The following CMKLR2 variants were observed in gnomAD, a reference collection of about 807,000 sequenced individuals.
The protein encoded by CMKLR2 is chemerin-like receptor 2.
A neutral mutation model predicts 23.0 loss-of-function variants in CMKLR2; 18 were observed. That is an observed-to-expected ratio of 0.78 (90% CI 0.54 to 1.16). CMKLR2 has a LOEUF of 1.16. Among genes scored for constraint, CMKLR2 ranks in the 50% most tolerant of loss-of-function variants. The pLI is 0.00. For synonymous variants in CMKLR2, 158 were observed against 158.9 expected, an observed-to-expected ratio of 0.99 and a Z score of 0.05; for missense variants, 401 against 412.7, an observed-to-expected ratio of 0.97 and a Z score of 0.25.
intron 1 of CMKLR2, among the ~76,000 whole-genome samples, chr2:206,211,222 T>C (rs1358975853): frequency 1.3e-5 from 2 of 152,188 alleles, no homozygotes; most frequent in African/African-American, 4.8e-5. Context: ...ATAGTTTATG[T>C]GTTTATAGCG....
At chr2:206,210,095 C>G (rs1689497145) in intron 1 of CMKLR2, among the ~76,000 whole-genome samples, 1 of 151,902 alleles carries the variant, frequency 6.6e-6, no homozygotes, top group Non-Finnish European at 1.5e-5. Context: ...TCCCAAGTAG[C>G]TGGGACTACA....
chr2:206,199,259 G>T (rs1170412771), intron 1 of CMKLR2, among the ~76,000 whole-genome samples: 1 of 152,158 alleles, frequency 6.6e-6, no homozygotes. Flanking sequence ...TTAGCTGGGC[G>T]TGGTGGCACA....
intron 1 of CMKLR2, among the ~76,000 whole-genome samples, chr2:206,190,632 A>G (rs1362466): frequency 0.058 from 8,764 of 152,346 alleles, 337 homozygotes; most frequent in East Asian, 0.16. Context: ...TTGAGTTGGC[A>G]TTGAAAACCT....
At chr2:206,212,262 C>G (rs966976643) in intron 1 of CMKLR2, among the ~76,000 whole-genome samples, 1 of 151,992 alleles carries the variant, frequency 6.6e-6, no homozygotes, top group African/African-American at 2.4e-5. Context: ...TGACTTAAAT[C>G]AGATAAAATC....
At chr2:206,178,371 T>C (rs1688298032) in intron 1 of CMKLR2, among the ~76,000 whole-genome samples, 1 of 152,236 alleles carries the variant, frequency 6.6e-6, no homozygotes, top group African/African-American at 2.4e-5. Context: ...TGGATGTCAC[T>C]GGAGATTTTG....
chr2:206,193,939 A>T (rs1483228420), intron 1 of CMKLR2, among the ~76,000 whole-genome samples: 1 of 152,184 alleles, frequency 6.6e-6, no homozygotes, highest in Non-Finnish European at 1.5e-5. Context: ...AGTGACATTG[A>T]TAGAAGTCCA....
At chr2:206,187,778 G>A (rs1182260230) in intron 1 of CMKLR2, among the ~76,000 whole-genome samples, 4 of 152,156 alleles carry the variant, frequency 2.6e-5, no homozygotes, top group Non-Finnish European at 5.9e-5. Context: ...TAGTTTTTGA[G>A]AGATGATGGG....
chr2:206,183,824 T>G (rs1317402138), intron 1 of CMKLR2, among the ~76,000 whole-genome samples: 2 of 152,204 alleles, frequency 1.3e-5, no homozygotes, highest in Non-Finnish European at 2.9e-5. Context: ...GTTTACCTAT[T>G]ATAACTTGTT....
chr2:206,207,968 G>C (rs1285809674), intron 1 of CMKLR2, among the ~76,000 whole-genome samples: 1 of 151,806 alleles, frequency 6.6e-6, no homozygotes, highest in Non-Finnish European at 1.5e-5. Flanking sequence ...TCGAACTCCT[G>C]ACCTCAGGTG....
At chr2:206,187,481 C>A (rs1688618001) in intron 1 of CMKLR2, among the ~76,000 whole-genome samples, 1 of 152,088 alleles carries the variant, frequency 6.6e-6, no homozygotes, top group Non-Finnish European at 1.5e-5. Context: ...AATATCGGTG[C>A]TCTCAAAGGA....
At position 206,181,715 on chromosome 2, in the gene CMKLR2, G is replaced by A. The variant is rs138653944; in HGVS notation, c.-28-4440C>T. Among the ~76,000 whole-genome samples, 1,510 of 152,284 alleles carry A rather than the reference G, an allele frequency of 9.9e-3. 29 individuals carry two copies. The highest frequency in any genetic ancestry group is 0.035 in the African/African-American group (1,434 of 41,558). The stretch of plus-strand genomic sequence containing the variant: ...CGCCTATAATCCCAGCACTTCGGGA[G>A]GCCGAGGTGGGTGAATCATCTAAGG... On this transcript the variant is annotated intron_variant, in intron 1 of 1. Coordinates refer to ENST00000621141, the MANE Select transcript of CMKLR2 (RefSeq NM_001389445.1).
At chr2:206,204,353 C>CAAAA (rs373840930) in intron 1 of CMKLR2, among the ~76,000 whole-genome samples, 1 of 44,190 alleles carries the variant, frequency 2.3e-5, no homozygotes, top group African/African-American at 8.7e-5. Context: ...GACTCCATCT[C>CAAAA]AAAAAAAAAA....
chr2:206,190,871 A>G (rs1428423306), intron 1 of CMKLR2, among the ~76,000 whole-genome samples: 1 of 152,224 alleles, frequency 6.6e-6, no homozygotes, highest in African/African-American at 2.4e-5. Flanking sequence ...GTTTGAAAAG[A>G]GAACACAGCA....
chr2:206,216,832 G>A (rs181882179), upstream of CMKLR2, among the ~76,000 whole-genome samples: 117 of 152,264 alleles, frequency 7.7e-4, no homozygotes, highest in Admixed American at 2.1e-3. Flanking sequence ...AGGTTTGGGC[G>A]ATTTTAAGTG....
At chr2:206,182,625 A>G (rs1175863673) in intron 1 of CMKLR2, among the ~76,000 whole-genome samples, 1 of 151,284 alleles carries the variant, frequency 6.6e-6, no homozygotes, top group African/African-American at 2.4e-5. Context: ...CTTGACCCAC[A>G]GTTCCTTTTT....
At chr2:206,199,747 C>T (rs1689033742) in intron 1 of CMKLR2, among the ~76,000 whole-genome samples, 1 of 151,980 alleles carries the variant, frequency 6.6e-6, no homozygotes. Context: ...AGGCACCCAC[C>T]ACCACACCTG....
At chr2:206,184,726 C>G (rs1688525464) in intron 1 of CMKLR2, among the ~76,000 whole-genome samples, 1 of 152,152 alleles carries the variant, frequency 6.6e-6, no homozygotes, top group Non-Finnish European at 1.5e-5. Flanking sequence ...ACCACCATTT[C>G]TGAATCCCGA....
intron 1 of CMKLR2, among the ~76,000 whole-genome samples, chr2:206,199,392 T>G (rs769740416): frequency 2.0e-5 from 3 of 152,000 alleles, no homozygotes; most frequent in Non-Finnish European, 4.4e-5. Flanking sequence ...AGAGTGAGAC[T>G]GTCTCATTTA....
At chr2:206,206,567 A>G (rs1186430665) in intron 1 of CMKLR2, among the ~76,000 whole-genome samples, 1 of 152,224 alleles carries the variant, frequency 6.6e-6, no homozygotes, top group Non-Finnish European at 1.5e-5. Flanking sequence ...CCCTGCCTCC[A>G]AAAACCTATG....
Sources: gnomAD v4.1 joint callset for allele counts (sites outside exome capture counted in the v4.1 genomes callset) on GRCh38, gnomAD v4.1.1 for gene constraint, MANE v1.5 for transcripts, NCBI Gene and HGNC (gene_info 2026-07-23, HGNC 2026-07-21) for gene names.